KIF26B: variants seen among roughly 807,000 people sequenced by gnomAD.
KIF26B encodes the protein kinesin family member 26B.
In KIF26B, 63 loss-of-function variants were observed where a neutral mutation model predicts 151.2. The observed-to-expected ratio is 0.42, with a 90% CI of 0.34 to 0.51. The LOEUF (loss-of-function observed/expected upper bound fraction) is 0.51. KIF26B is among the 20% of genes least tolerant of loss of function. The probability of loss-of-function intolerance (pLI) is 0.07; values close to 1 mark genes in which losing one functional copy is unlikely to be tolerated. For missense variants in KIF26B, 2,813 were observed against 2,913.6 expected (o/e 0.97, Z 0.79); for synonymous variants, 1,357 against 1,262.1 (o/e 1.08, Z -1.59).
chr1:245,466,784 G>T (rs1659800985), intron 4 of KIF26B, among the ~76,000 whole-genome samples: 1 of 152,166 alleles, frequency 6.6e-6, no homozygotes, highest in Non-Finnish European at 1.5e-5. Flanking sequence ...AAATTAGCAG[G>T]GCGTGGTGGT....
intron 2 of KIF26B, among the ~76,000 whole-genome samples, chr1:245,280,530 CA>C (rs1170207967): frequency 1.4e-4 from 11 of 79,598 alleles, no homozygotes; most frequent in Non-Finnish European, 1.7e-4. Context: ...GACTCTGTCT[CA>C]AAAAAAAAAA....
In KIF26B at chr1:245,646,138, C is replaced by T. The variant is rs765715196; in HGVS notation, c.2116C>T (p.Arg706Cys). 1.1e-5 allele frequency: 17 copies of T among 1,613,792 alleles called. No homozygotes were observed. The highest frequency in any genetic ancestry group is 3.3e-4 in the Middle Eastern group (2 of 6,080). The change falls in exon 10 of 15, where the codon CGC (arginine) becomes TGC (cysteine). Residue 706 changes from arginine (R) to cysteine (C), a missense_variant. Around this residue, in one of 3 missense-constraint regions of KIF26B, gnomAD observed 2,060 missense variants for 2,088.6 expected, o/e 0.99. Transcript: ENST00000407071. ...GKGGMSGGRSRLHLIDLGSCV... is the reference protein window; with the variant it reads ...GKGGMSGGRSCLHLIDLGSCV... ...TGTGGTAGTGTCTGGAGGTCGCAGC[C>T]GCCTGCATCTCATTGATCTCGGCAG...
chr1:245,302,561 T>C (rs1481371533), intron 2 of KIF26B, among the ~76,000 whole-genome samples: 3 of 152,236 alleles, frequency 2.0e-5, no homozygotes, highest in Non-Finnish European at 4.4e-5. Flanking sequence ...AGGAACTTAA[T>C]AGCTTTCTCA....
Position 245,599,507 on chromosome 1 carries a change from C to T in KIF26B, c.1351-3070C>T, listed in dbSNP as rs571486407. 2.6e-5 allele frequency among the ~76,000 whole-genome samples: 4 copies of T among 152,340 alleles called. No individual in the cohort carries two copies. The South Asian group carries it at 6.2e-4, about 24-fold the overall frequency. The stretch of plus-strand genomic sequence containing the variant: ...CTCACTCATTCAGCCCCTTCTTTCC[C>T]GCTTCTCCTTGTCAGCCCTCGCCTG... On this transcript the variant is annotated intron_variant, in intron 5 of 14. Coordinates refer to ENST00000407071, the MANE Select transcript of KIF26B (RefSeq NM_018012.4).
intron 2 of KIF26B, among the ~76,000 whole-genome samples, chr1:245,311,944 A>G (rs1197727705): frequency 2.6e-5 from 4 of 152,206 alleles, no homozygotes; most frequent in Non-Finnish European, 4.4e-5. Flanking sequence ...AAAGAAACAA[A>G]AAAATCACCG....
At chr1:245,450,279 C>T (rs765826738) in intron 4 of KIF26B, among the ~76,000 whole-genome samples, 10 of 152,134 alleles carry the variant, frequency 6.6e-5, no homozygotes, top group Admixed American at 4.6e-4. Flanking sequence ...TGATTCCTTC[C>T]GAATCACTGG....
In KIF26B at chr1:245,569,508, G is replaced by A. The variant is rs897736648; in HGVS notation, c.1350+28558G>A. Among the ~76,000 whole-genome samples the A allele has an allele frequency of 2.4e-4, 37 of 152,234 alleles. 1 individual carries two copies. In the Middle Eastern group the frequency reaches 0.014, roughly 56 times the overall value. On this transcript the variant is annotated intron_variant, in intron 5 of 14. Coordinates refer to ENST00000407071, the MANE Select transcript of KIF26B (RefSeq NM_018012.4). ...ACCTGTAATCCCAGCTACTCGGGAG[G>A]CTGAGGCAGAATTGCTTGAACCTGG...
chr1:245,442,372 A>G (rs368729852), intron 4 of KIF26B, among the ~76,000 whole-genome samples: 3 of 152,126 alleles, frequency 2.0e-5, no homozygotes, highest in Non-Finnish European at 4.4e-5. Context: ...AGAAGACTCA[A>G]AAACAATGAT....
At chr1:245,208,314 G>A (rs746450733) in intron 2 of KIF26B, among the ~76,000 whole-genome samples, 13 of 152,242 alleles carry the variant, frequency 8.5e-5, no homozygotes, top group South Asian at 2.1e-4. Context: ...CCAATTCACC[G>A]GAGTTCATTG....
chr1:245,160,340 A>G (rs1365985834), intron 2 of KIF26B, among the ~76,000 whole-genome samples: 1 of 152,226 alleles, frequency 6.6e-6, no homozygotes, highest in Non-Finnish European at 1.5e-5. Context: ...TTAAGTGAGA[A>G]TGGCCCTTTT....
chr1:245,464,604 G>C (rs1023660490), intron 4 of KIF26B, among the ~76,000 whole-genome samples: 5 of 148,666 alleles, frequency 3.4e-5, no homozygotes, highest in African/African-American at 1.2e-4. Context: ...TGTGTGCTGT[G>C]CGTGTGGGTG....
intron 2 of KIF26B, among the ~76,000 whole-genome samples, chr1:245,343,103 A>T (rs1469559520): frequency 6.6e-6 from 1 of 150,528 alleles, no homozygotes; most frequent in African/African-American, 2.4e-5. Flanking sequence ...AAAAAAAAGA[A>T]TTTAGATTAG....
chr1:245,478,153 C>A (rs1461332810), intron 4 of KIF26B, among the ~76,000 whole-genome samples: 1 of 151,804 alleles, frequency 6.6e-6, no homozygotes, highest in African/African-American at 2.4e-5. Flanking sequence ...CATGTTGTAA[C>A]AAACATTATT....
intron 9 of KIF26B, among the ~76,000 whole-genome samples, chr1:245,644,280 TCTA>T (rs2043922808): frequency 6.6e-6 from 1 of 152,178 alleles, no homozygotes; most frequent in Non-Finnish European, 1.5e-5. Context: ...ATTCATCTCA[TCTA>T]CTATATTTTT....
At chr1:245,464,224 A>G (rs1659713927) in intron 4 of KIF26B, among the ~76,000 whole-genome samples, 1 of 152,238 alleles carries the variant, frequency 6.6e-6, no homozygotes, top group African/African-American at 2.4e-5. Flanking sequence ...TTGAAGACCC[A>G]TCAAAGACCT....
rs1214005767 is a variant in KIF26B at position 245,606,850 on chromosome 1, G to A, written c.1558-801G>A. Among the ~76,000 whole-genome samples the A allele has an allele frequency of 6.6e-6, 1 of 152,046 alleles. No individual in the cohort carries two copies. Among genetic ancestry groups the A allele is most frequent in the Non-Finnish European group, 1.5e-5 (1 of 68,016 alleles). On this transcript the variant is annotated intron_variant, in intron 6 of 14. Transcript: ENST00000407071. The surrounding 1 kb of genome is among the most constrained non-coding windows in gnomAD (Gnocchi z 4.6). ...GGCCGAGGCGGGTGGATCACCTGAG[G>A]TCAGGAGTTTGAGACCAGCCTGACC...
chr1:245,377,323 C>A (rs1236463028), intron 3 of KIF26B, among the ~76,000 whole-genome samples: 1 of 152,200 alleles, frequency 6.6e-6, no homozygotes, highest in Non-Finnish European at 1.5e-5. Flanking sequence ...AGGGAAGAGT[C>A]CTTCCTCGCC....
At chr1:245,391,607 G>A (rs1673702209) in intron 3 of KIF26B, among the ~76,000 whole-genome samples, 2 of 145,732 alleles carry the variant, frequency 1.4e-5, no homozygotes, top group Admixed American at 1.4e-4. Flanking sequence ...TGCCTTCCAA[G>A]ATCATGCCAC....
At chr1:245,528,052 C>T (rs192736597) in intron 4 of KIF26B, among the ~76,000 whole-genome samples, 1 of 152,084 alleles carries the variant, frequency 6.6e-6, no homozygotes, top group South Asian at 2.1e-4. Flanking sequence ...CCGATAAGAA[C>T]GGATTGATGG....
Sources: gnomAD v4.1 joint callset for allele counts (sites outside exome capture counted in the v4.1 genomes callset) on GRCh38, gnomAD v4.1.1 for gene constraint, gnomAD v4.1.1 regional missense constraint, Gnocchi (gnomAD v3.1) non-coding constraint, MANE v1.5 for transcripts, NCBI Gene and HGNC (gene_info 2026-07-23, HGNC 2026-07-21) for gene names.